The following LRRC4C variants were observed in gnomAD, a reference collection of about 807,000 sequenced individuals.
LRRC4C encodes the protein leucine-rich repeat-containing protein 4C.
In LRRC4C, 5 loss-of-function variants were observed where a neutral mutation model predicts 33.6. The observed-to-expected ratio is 0.15, with a 90% CI of 0.08 to 0.31. The LOEUF is 0.31. Among genes scored for constraint, LRRC4C ranks in the 10% least tolerant of loss-of-function variants. The pLI, the probability that LRRC4C is intolerant of heterozygous loss-of-function variation, is 1.00. For synonymous variants in LRRC4C, 329 were observed against 302.0 expected (o/e 1.09, Z -0.93); for missense variants, 560 against 796.7 (o/e 0.70, Z 3.58).
chr11:41,303,193 C>A (rs1950337239), intron 1 of LRRC4C, among the ~76,000 whole-genome samples: 1 of 149,664 alleles, frequency 6.7e-6, no homozygotes, highest in Admixed American at 6.7e-5. Flanking sequence ...ACTGCAACCT[C>A]CCTGCCTGAT....
Position 40,995,307 on chromosome 11 carries a change from T to C in LRRC4C, c.-495-61584A>G, listed in dbSNP as rs558386911. Among the ~76,000 whole-genome samples, 21 of 152,208 alleles carry C rather than the reference T, an allele frequency of 1.4e-4. No homozygotes were observed. The South Asian group carries it at 3.5e-3, about 26-fold the overall frequency. ...AGAGGGAATACCTTGTTCTTATTCA[T>C]ATAAAAGTGCTTAAACAGGCTAGGG... On this transcript the variant is annotated intron_variant, in intron 1 of 6. Coordinates refer to ENST00000528697, the MANE Select transcript of LRRC4C (RefSeq NM_001258419.2).
intron 6 of LRRC4C, among the ~76,000 whole-genome samples, chr11:40,129,677 G>C (rs926428022): frequency 3.9e-5 from 6 of 152,046 alleles, no homozygotes; most frequent in African/African-American, 1.4e-4. Context: ...TAAAATGGAG[G>C]GGCTTCTTGA....
intron 3 of LRRC4C, among the ~76,000 whole-genome samples, chr11:40,635,733 T>C (rs1591336179): frequency 7.1e-6 from 1 of 141,154 alleles, no homozygotes; most frequent in South Asian, 2.4e-4. Context: ...GCCTCCCGGG[T>C]TCAGGCCATT....
chr11:40,125,388 TTA>T (rs551802697), intron 6 of LRRC4C, among the ~76,000 whole-genome samples: 1 of 152,302 alleles, frequency 6.6e-6, no homozygotes, highest in Admixed American at 6.5e-5. Context: ...TGGAAAGAAC[TTA>T]TATCTTTGAT....
intron 3 of LRRC4C, among the ~76,000 whole-genome samples, chr11:40,495,715 C>T (rs2138563061): frequency 6.8e-6 from 1 of 147,190 alleles, no homozygotes; most frequent in African/African-American, 2.5e-5. Context: ...ATCTCTTAGT[C>T]TCTGTGTTGG....
chr11:41,257,788 C>A (rs367591848), intron 1 of LRRC4C, among the ~76,000 whole-genome samples: 61 of 152,148 alleles, frequency 4.0e-4, no homozygotes, highest in South Asian at 1.2e-3. Flanking sequence ...GCCAGAGTGA[C>A]TTTGTTCATA....
intron 1 of LRRC4C, among the ~76,000 whole-genome samples, chr11:41,233,632 A>G (rs1947896975): frequency 6.6e-6 from 1 of 152,052 alleles, no homozygotes; most frequent in South Asian, 2.1e-4. Context: ...TAGATATATC[A>G]GTAATTTAAA....
intron 5 of LRRC4C, among the ~76,000 whole-genome samples, chr11:40,178,945 T>C (rs946263076): frequency 1.1e-4 from 17 of 152,184 alleles, no homozygotes; most frequent in Admixed American, 7.9e-4. Context: ...GTTTTGACTC[T>C]TGTGGTTCAC....
chr11:40,631,710 A>C (rs1478544320), intron 3 of LRRC4C, among the ~76,000 whole-genome samples: 1 of 152,164 alleles, frequency 6.6e-6, no homozygotes, highest in Non-Finnish European at 1.5e-5. Flanking sequence ...GTTGCTTGGA[A>C]TAGCGCTCTG....
At chr11:41,073,070 G>T (rs1177313152) in intron 1 of LRRC4C, among the ~76,000 whole-genome samples, 1 of 152,150 alleles carries the variant, frequency 6.6e-6, no homozygotes, top group African/African-American at 2.4e-5. Flanking sequence ...CTGGGAACCT[G>T]TGCATCACCT....
At chr11:40,650,660 G>A (rs1208617045) in intron 2 of LRRC4C, among the ~76,000 whole-genome samples, 1 of 151,898 alleles carries the variant, frequency 6.6e-6, no homozygotes, top group Non-Finnish European at 1.5e-5. Flanking sequence ...ACTTGTTTTG[G>A]CCTGAAATTG....
chr11:41,045,481 G>T (rs1009253310), intron 1 of LRRC4C, among the ~76,000 whole-genome samples: 1 of 152,116 alleles, frequency 6.6e-6, no homozygotes, highest in Non-Finnish European at 1.5e-5. Flanking sequence ...ACAGAAGGAC[G>T]AGTTGACGTT....
At chr11:40,585,699 A>T (rs1348892861) in intron 3 of LRRC4C, among the ~76,000 whole-genome samples, 1 of 133,194 alleles carries the variant, frequency 7.5e-6, no homozygotes, top group African/African-American at 2.8e-5. Context: ...TTCAATTCCC[A>T]CCTATGAGGG....
chr11:40,994,906 T>G (rs1344893883), intron 1 of LRRC4C, among the ~76,000 whole-genome samples: 7 of 152,182 alleles, frequency 4.6e-5, no homozygotes. Flanking sequence ...CCACAATTTC[T>G]CTAATGTAAT....
chr11:41,316,280 C>CAAAAAAA (rs796848005), intron 1 of LRRC4C, among the ~76,000 whole-genome samples: 2 of 90,656 alleles, frequency 2.2e-5, no homozygotes, highest in African/African-American at 3.8e-5. Context: ...AAAAAAAAAA[C>CAAAAAAA]AAAAAAAAAC....
intron 2 of LRRC4C, among the ~76,000 whole-genome samples, chr11:40,735,289 C>A (rs1421612612): frequency 6.6e-6 from 1 of 151,916 alleles, no homozygotes; most frequent in African/African-American, 2.4e-5. Flanking sequence ...TTAGGTATAT[C>A]TCCTAATGTT....
chr11:41,455,366 T>A (rs1411334255), intron 1 of LRRC4C, among the ~76,000 whole-genome samples: 1 of 152,012 alleles, frequency 6.6e-6, no homozygotes, highest in Non-Finnish European at 1.5e-5. Flanking sequence ...TGAGTTCAGG[T>A]CATTATACAT....
intron 4 of LRRC4C, among the ~76,000 whole-genome samples, chr11:40,268,921 A>C (rs1942483746): frequency 6.6e-6 from 1 of 152,160 alleles, no homozygotes; most frequent in Non-Finnish European, 1.5e-5. Flanking sequence ...AGAATCACTT[A>C]AGTAGCTTAC....
intron 1 of LRRC4C, among the ~76,000 whole-genome samples, chr11:41,068,972 G>A: frequency 6.6e-6 from 1 of 152,200 alleles, no homozygotes; most frequent in Admixed American, 6.5e-5. Context: ...ATCAAAAAAA[G>A]AAAACTCAGG....
Sources: allele counts gnomAD v4.1 joint callset (sites outside exome capture counted in the v4.1 genomes callset), GRCh38; gene constraint gnomAD v4.1.1; transcripts MANE v1.5; gene names NCBI Gene and HGNC (gene_info 2026-07-23, HGNC 2026-07-21).